The following COG2 variants were observed in gnomAD, a reference collection of about 807,000 sequenced individuals.
COG2 encodes the protein component of oligomeric golgi complex 2.
A neutral mutation model predicts 90.6 loss-of-function variants in COG2; 52 were observed. That is an observed-to-expected ratio of 0.57 (90% CI 0.46 to 0.72). The LOEUF (loss-of-function observed/expected upper bound fraction) is 0.72. Ranked by LOEUF, COG2 falls within the 30% of genes least tolerant of loss-of-function variation. COG2 has a pLI of 0.00. For missense variants in COG2, 829 were observed against 891.2 expected, an observed-to-expected ratio of 0.93 and a Z score of 0.89; for synonymous variants, 337 against 320.4, an observed-to-expected ratio of 1.05 and a Z score of -0.55.
At chr1:230,677,825 G>T (rs1274813833) in intron 9 of COG2, among the ~76,000 whole-genome samples, 1 of 152,146 alleles carries the variant, frequency 6.6e-6, no homozygotes, top group Non-Finnish European at 1.5e-5. Context: ...TCAGCTTTAA[G>T]CCTTAATGTA....
chr1:230,690,327 G>C, intron 16 of COG2, 174 bp downstream of exon 16: 1 of 553,040 alleles, frequency 1.8e-6, no homozygotes, highest in South Asian at 2.8e-5. Context: ...CCACACCCTT[G>C]TGGACGGCCT....
intron 1 of COG2, among the ~76,000 whole-genome samples, chr1:230,652,159 C>T (rs1661929511): frequency 6.6e-6 from 1 of 150,960 alleles, no homozygotes; most frequent in Non-Finnish European, 1.5e-5. Context: ...ATCCCTTGTG[C>T]TCTGCCTGTC....
intron 5 of COG2, among the ~76,000 whole-genome samples, chr1:230,668,087 A>T (rs1443963812): frequency 6.6e-6 from 1 of 152,152 alleles, no homozygotes; most frequent in Non-Finnish European, 1.5e-5. Flanking sequence ...ATATTTTGAG[A>T]TATTTATTGC....
chr1:230,658,975 A>G (rs1027271399), intron 1 of COG2, among the ~76,000 whole-genome samples: 2 of 152,246 alleles, frequency 1.3e-5, no homozygotes, highest in East Asian at 1.9e-4. Context: ...CATGTGACAC[A>G]TAGAAAAACA....
chr1:230,688,703 A>G (rs1662948611), intron 15 of COG2, 141 bp downstream of exon 15: 4 of 954,714 alleles, frequency 4.2e-6, no homozygotes, highest in African/African-American at 3.2e-5. Context: ...AATGGTATTG[A>G]TGAAGAGAGG....
At chr1:230,668,542 G>A in intron 5 of COG2, 134 bp from the exon 6 acceptor site, 1 of 577,470 alleles carries the variant, frequency 1.7e-6, no homozygotes, top group Non-Finnish European at 3.1e-6. Context: ...TTGTAACAAG[G>A]TGGCCACATA....
chr1:230,646,249 T>C (rs1661773764), intron 1 of COG2, among the ~76,000 whole-genome samples: 1 of 152,218 alleles, frequency 6.6e-6, no homozygotes, highest in African/African-American at 2.4e-5. Context: ...CACTTCACTC[T>C]GGTTTCTGGC....
At chr1:230,676,363 G>A (rs1662594162) in intron 9 of COG2, among the ~76,000 whole-genome samples, 1 of 151,754 alleles carries the variant, frequency 6.6e-6, no homozygotes, top group Non-Finnish European at 1.5e-5. Flanking sequence ...TTTGGAAGTT[G>A]TGCCCTTTAT....
chr1:230,693,233 T>TCCC (rs374730558), intron 17 of COG2, 59 bp from the exon 18 acceptor site: 1 of 968,028 alleles, frequency 1.0e-6, no homozygotes, highest in African/African-American at 1.7e-5. Context: ...TTCTTTTTTT[T>TCCC]CCCCCCCCAT....
chr1:230,679,071 G>A lies in COG2; in HGVS notation c.1166+19G>A, dbSNP rs765350060. ...AAATAAGGTTGGTCATCTATTCACC[G>A]CCCCCGCCCCGCACCCTTCTAAAAC... On this transcript the variant is annotated intron_variant, in intron 10 of 17. Transcript: ENST00000366669. The A allele has an allele frequency of 1.8e-5, 29 of 1,606,202 alleles. No individual in the cohort carries two copies. The highest frequency in any genetic ancestry group is 3.3e-5 in the South Asian group (3 of 90,602).
intron 5 of COG2, among the ~76,000 whole-genome samples, chr1:230,665,141 A>G (rs1258974534): frequency 5.3e-5 from 8 of 152,210 alleles, no homozygotes; most frequent in Non-Finnish European, 8.8e-5. Flanking sequence ...TGAGTGACTC[A>G]GAAAATGAAT....
chr1:230,670,743 A>G (rs1475286737), intron 7 of COG2: 1 of 152,132 alleles, frequency 6.6e-6, no homozygotes, highest in Non-Finnish European at 1.5e-5. Context: ...CAGCCTCCCA[A>G]TTAGCTGGAA....
At chr1:230,687,779 T>C (rs1217863705) in intron 13 of COG2, among the ~76,000 whole-genome samples, 1 of 152,206 alleles carries the variant, frequency 6.6e-6, no homozygotes, top group Non-Finnish European at 1.5e-5. Flanking sequence ...AAGAATATGG[T>C]CTTTACTGTG....
rs775357737 is a variant in COG2 at position 230,679,036 on chromosome 1, G to A, written c.1150G>A (p.Val384Ile). The change falls in exon 10 of 18, where the codon GTT becomes ATT. Residue 384 changes from valine (V) to isoleucine (I), a missense_variant. By Grantham distance (29) the Val-to-Ile change is conservative. Coordinates refer to ENST00000366669, the MANE Select transcript of COG2 (RefSeq NM_007357.3). Reference sequence around the variant, plus strand: ...CTTCAATAAGAAGTGGAACTTGCCTGTTTATTTTCAAATAAGGTTGGTCAT... The same window carrying A: ...CTTCAATAAGAAGTGGAACTTGCCTATTTATTTTCAAATAAGGTTGGTCAT... ...HSFNKKWNLP[V>I]YFQIRFREIA... 2 of 1,612,194 alleles carry A rather than the reference G, an allele frequency of 1.2e-6. No homozygotes were observed. Among genetic ancestry groups the A allele is most frequent in the East Asian group, 4.5e-5 (2 of 44,824 alleles).
rs756598605 is a variant in COG2 at position 230,690,150 on chromosome 1, A to G, written c.1931A>G (p.His644Arg). 6.8e-6 allele frequency: 11 copies of G among 1,611,526 alleles called. No individual in the cohort carries two copies. The highest frequency in any genetic ancestry group is 5.1e-5 in the Admixed American group (3 of 59,390). The change falls in exon 16 of 18, where the codon CAT becomes CGT. Residue 644 changes from histidine (H) to arginine (R), a missense_variant. By Grantham distance (29) the His-to-Arg change is conservative. Transcript: ENST00000366669. Reference sequence around the variant, plus strand: ...GAAGGCACTCTCAGTGAAAGCACTCATAAGTAAGTAAATTAAAAGCAGACC... The same window carrying G: ...GAAGGCACTCTCAGTGAAAGCACTCGTAAGTAAGTAAATTAAAAGCAGACC... ...WLEGTLSEST[H>R]KYYETVSDVL...
intron 6 of COG2, chr1:230,669,090 T>A: frequency 4.4e-6 from 2 of 454,494 alleles, no homozygotes; most frequent in Non-Finnish European, 7.7e-6. Context: ...CCATGATGTT[T>A]CCTCAAGATT....
intron 9 of COG2, among the ~76,000 whole-genome samples, chr1:230,675,745 C>T (rs911207456): frequency 5.9e-5 from 9 of 152,090 alleles, no homozygotes; most frequent in African/African-American, 1.4e-4. Context: ...TGGACTCAAG[C>T]GATCCTATGC....
chr1:230,657,485 G>T (rs1424172785), intron 1 of COG2, among the ~76,000 whole-genome samples: 1 of 152,084 alleles, frequency 6.6e-6, no homozygotes, highest in Non-Finnish European at 1.5e-5. Flanking sequence ...CTTTCTCTCT[G>T]TCTGCCTTTA....
intron 11 of COG2, 131 bp downstream of exon 11, chr1:230,683,766 C>T: frequency 1.6e-6 from 1 of 635,162 alleles, no homozygotes; most frequent in Non-Finnish European, 2.7e-6. Context: ...TAAGTTGGAC[C>T]TTAAAAATCA....
Sources: allele counts gnomAD v4.1 joint callset (sites outside exome capture counted in the v4.1 genomes callset), GRCh38; gene constraint gnomAD v4.1.1; transcripts MANE v1.5; gene names NCBI Gene and HGNC (gene_info 2026-07-23, HGNC 2026-07-21).